Variants in CYP27C1 observed in about 807,000 individuals in gnomAD.
CYP27C1 encodes cytochrome P450 family 27 subfamily C member 1.
CYP27C1 carries 29 observed loss-of-function variants against 40.6 expected under a neutral mutation model. That is an observed-to-expected ratio of 0.71 (90% CI 0.53 to 0.97). The LOEUF is 0.97. Among genes scored for constraint, CYP27C1 ranks in the 50% least tolerant of loss-of-function variants. CYP27C1 has a pLI of 0.00. For missense variants in CYP27C1, 390 were observed against 485.8 expected (o/e 0.80, Z 1.85); for synonymous variants, 198 against 186.8 (o/e 1.06, Z -0.49).
intron 1 of CYP27C1, among the ~76,000 whole-genome samples, chr2:127,210,772 G>A (rs546752588): frequency 2.0e-5 from 3 of 151,450 alleles, no homozygotes; most frequent in African/African-American, 7.3e-5. Flanking sequence ...ACAAAGAAGG[G>A]CATTACATAA....
intron 1 of CYP27C1, among the ~76,000 whole-genome samples, chr2:127,216,412 A>T (rs1273357955): frequency 6.6e-6 from 1 of 152,256 alleles, no homozygotes; most frequent in Admixed American, 6.5e-5. Context: ...CCTTAAAAAC[A>T]TTATACTGAA....
Position 127,193,260 on chromosome 2 carries a change from T to C in CYP27C1, c.1331A>G (p.Gln444Arg), listed in dbSNP as rs752432277. Residue 444 changes from glutamine (Q) to arginine (R), a missense_variant, in exon 8 of 9, where the codon CAG (glutamine) becomes CGG (arginine). Coordinates refer to ENST00000664447, the MANE Select transcript of CYP27C1 (RefSeq NM_001367502.1). ...CTTGGCCCGAGGGAAGTTCTCATCCTGGTACGATGTGGCATAGTGGCAAAG... is the reference window on the plus strand; with the variant it reads ...CTTGGCCCGAGGGAAGTTCTCATCCCGGTACGATGTGGCATAGTGGCAAAG... ...LALCHYATSY[Q>R]DENFPRAKEF... The C allele has an allele frequency of 9.9e-6, 16 of 1,614,198 alleles. No homozygotes were observed. Among genetic ancestry groups the C allele is most frequent in the Non-Finnish European group, 1.4e-5 (16 of 1,180,032 alleles).
At chr2:127,192,206 G>A (rs991825857) in intron 8 of CYP27C1, among the ~76,000 whole-genome samples, 2 of 152,132 alleles carry the variant, frequency 1.3e-5, no homozygotes, top group African/African-American at 4.8e-5. Flanking sequence ...AGTGGCTGTT[G>A]CTTTCTGAGC....
chr2:127,204,565 G>C (rs1041077061), intron 2 of CYP27C1, among the ~76,000 whole-genome samples: 2 of 64,904 alleles, frequency 3.1e-5, no homozygotes, highest in African/African-American at 1.5e-4. Context: ...GAGAAAGAAA[G>C]AAAGAAAGAA....
In CYP27C1 at chr2:127,201,250, G is replaced by T. The variant is rs778033502; in HGVS notation, c.755C>A (p.Ala252Asp). The T allele has an allele frequency of 5.0e-6, 8 of 1,614,160 alleles. No homozygotes were observed. The East Asian group carries it at 1.8e-4, about 36-fold the overall frequency. The change falls in exon 4 of 9, where the codon GCC becomes GAC. Residue 252 changes from alanine to aspartate, a missense_variant. Coordinates refer to ENST00000664447, the MANE Select transcript of CYP27C1 (RefSeq NM_001367502.1). This position sits in a 1 kb window ranked among gnomAD's most constrained non-coding sequence, Gnocchi z 6.0. ...IPQLTVEYIE[A>D]LELMFSMFKT... is the part of the protein sequence containing the mutation. ...GAACATGCTAAACATGAGCTCCAGG[G>T]CCTCGATGTATTCCACAGTCAGCTG...
chr2:127,210,534 G>A (rs1296921350), intron 1 of CYP27C1, among the ~76,000 whole-genome samples: 4 of 152,052 alleles, frequency 2.6e-5, no homozygotes, highest in Non-Finnish European at 5.9e-5. Flanking sequence ...ATGTAAATGG[G>A]CAAATCCCCC....
chr2:127,205,722 A>G, intron 2 of CYP27C1, 178 bp downstream of exon 2: 1 of 985,524 alleles, frequency 1.0e-6, no homozygotes. Flanking sequence ...GAGGAGCCAG[A>G]AAGCCCAGCA....
intron 1 of CYP27C1, among the ~76,000 whole-genome samples, chr2:127,212,442 A>G (rs1280907274): frequency 2.0e-5 from 3 of 152,262 alleles, no homozygotes; most frequent in Non-Finnish European, 4.4e-5. Context: ...AACCGAATCC[A>G]GCAACCCATC....
intron 1 of CYP27C1, among the ~76,000 whole-genome samples, chr2:127,215,519 G>A (rs1157959323): frequency 1.3e-5 from 2 of 152,004 alleles, no homozygotes; most frequent in African/African-American, 4.8e-5. Flanking sequence ...GAAAAAAATC[G>A]ATAATAGGAC....
In CYP27C1 at chr2:127,203,445, G is replaced by C; in HGVS notation, c.600C>G (p.Leu200=). 3.7e-6 allele frequency: 6 copies of C among 1,613,974 alleles called. No homozygotes were observed. The highest frequency in any genetic ancestry group is 5.1e-6 in the Non-Finnish European group (6 of 1,180,006). The stretch of plus-strand genomic sequence containing the variant: ...CTCCATCTTCTGCCTGGCTCCTGAG[G>C]AGGTAGATTCTTTTAATTAAGTCAG... The part of the protein sequence containing the change: ...VIADLIKRIY[L]LRSQAEDGET... The change falls in exon 3 of 9, where the codon CTC becomes CTG. Residue 200 remains leucine (L), a synonymous_variant. Transcript: ENST00000664447.
At chr2:127,191,662 G>C (rs1682777845) in intron 8 of CYP27C1, among the ~76,000 whole-genome samples, 1 of 152,226 alleles carries the variant, frequency 6.6e-6, no homozygotes, top group Non-Finnish European at 1.5e-5. Context: ...ATCAGGCAGG[G>C]ATTTGGCCCC....
At chr2:127,193,409 C>T (rs1573892541) in intron 7 of CYP27C1, 112 bp from the exon 8 acceptor site, 9 of 1,264,962 alleles carry the variant, frequency 7.1e-6, no homozygotes, top group South Asian at 1.3e-5. Context: ...GCCTGGGGGC[C>T]GCCCGGGTCC....
In CYP27C1 at chr2:127,203,514, C is replaced by T. The variant is rs199656387; in HGVS notation, c.531G>A (p.Pro177=). Residue 177 remains proline, a synonymous_variant, in exon 3 of 9, where the codon CCG becomes CCA. Coordinates refer to ENST00000664447, the MANE Select transcript of CYP27C1 (RefSeq NM_001367502.1). ...RSVLRQRILK[P]KDVAIYSGEV... ...CTCCAGAATAAATGGCCACATCTTTCGGTTTCAGAATTCTTTGTCTCAATA... is the reference window on the plus strand; with the variant it reads ...CTCCAGAATAAATGGCCACATCTTTTGGTTTCAGAATTCTTTGTCTCAATA... 6 of 1,613,990 alleles carry T rather than the reference C, an allele frequency of 3.7e-6. No individual in the cohort carries two copies. The highest frequency in any genetic ancestry group is 2.2e-5 in the East Asian group (1 of 44,874).
At chr2:127,188,340 A>G (rs1384647879) in intron 8 of CYP27C1, among the ~76,000 whole-genome samples, 1 of 152,206 alleles carries the variant, frequency 6.6e-6, no homozygotes, top group Non-Finnish European at 1.5e-5. Context: ...CCTGGGCTCA[A>G]GTGATCCTCC....
Position 127,199,416 on chromosome 2 carries a change from T to A in CYP27C1, c.1007A>T (p.Tyr336Phe), listed in dbSNP as rs375739115. The change falls in exon 5 of 9, where the codon TAC becomes TTC. Residue 336 changes from tyrosine to phenylalanine, a missense_variant. Physicochemically the swap from Tyr to Phe is conservative, Grantham distance 22. Transcript: ENST00000664447. ...CAGCAGCATCTCAGTCACGTTGGCGTAGATCTCCTGCAGCGTCAGAGCCTG... is the reference window on the plus strand; with the variant it reads ...CAGCAGCATCTCAGTCACGTTGGCGAAGATCTCCTGCAGCGTCAGAGCCTG... ...LSQALTLQEI[Y>F]ANVTEMLLAG... The A allele has an allele frequency of 7.4e-6, 12 of 1,614,084 alleles. No homozygotes were observed. Among genetic ancestry groups the A allele is most frequent in the Admixed American group, 6.7e-5 (4 of 59,998 alleles).
intron 1 of CYP27C1, among the ~76,000 whole-genome samples, chr2:127,211,396 T>G (rs936883659): frequency 8.5e-5 from 12 of 140,562 alleles, no homozygotes; most frequent in African/African-American, 3.2e-4. Context: ...TTTTTTTTTT[T>G]TTTTGAGATG....
chr2:127,203,035 G>A (rs1437445630), intron 3 of CYP27C1, among the ~76,000 whole-genome samples: 1 of 152,104 alleles, frequency 6.6e-6, no homozygotes, highest in Non-Finnish European at 1.5e-5. Context: ...GGGAGTGGTG[G>A]CAGGTGCCTG....
chr2:127,195,536 T>G lies in CYP27C1; in HGVS notation c.1048-35A>C. 1 of 1,609,520 alleles carries G rather than the reference T, an allele frequency of 6.2e-7. No homozygotes were observed. The highest frequency in any genetic ancestry group is 8.5e-7 in the Non-Finnish European group (1 of 1,177,222). ...GAAAGTGGCAGACACAGGCAGGCAG[T>G]GAGTAACACCAGGGACTGAAACAGA... is the stretch of plus-strand genomic sequence containing the variant. On this transcript the variant is annotated intron_variant, in intron 5 of 8. Coordinates refer to ENST00000664447, the MANE Select transcript of CYP27C1 (RefSeq NM_001367502.1). The surrounding 1 kb of genome is among the most constrained non-coding windows in gnomAD (Gnocchi z 6.2).
intron 1 of CYP27C1, among the ~76,000 whole-genome samples, chr2:127,216,375 A>G (rs1683430748): frequency 6.6e-6 from 1 of 152,278 alleles, no homozygotes; most frequent in South Asian, 2.1e-4. Context: ...AGAATGAGGT[A>G]CTGATACATG....
Sources: allele counts gnomAD v4.1 joint callset (sites outside exome capture counted in the v4.1 genomes callset), GRCh38; gene constraint gnomAD v4.1.1; non-coding constraint Gnocchi (gnomAD v3.1); transcripts MANE v1.5; gene names NCBI Gene and HGNC (gene_info 2026-07-23, HGNC 2026-07-21).